The following ADAMTS3 variants were observed in gnomAD, a reference collection of about 807,000 sequenced individuals.
ADAMTS3 encodes the protein A disintegrin and metalloproteinase with thrombospondin motifs 3.
Under a neutral mutation model 129.0 loss-of-function variants are expected in ADAMTS3, and 73 were observed. The observed-to-expected ratio is 0.57, with a 90% confidence interval of 0.47 to 0.69. The LOEUF is 0.69. Among genes scored for constraint, ADAMTS3 ranks in the 30% least tolerant of loss-of-function variants. ADAMTS3 has a pLI of 0.00. For missense variants in ADAMTS3, 1,457 were observed against 1,514.5 expected (o/e 0.96, Z 0.63); for synonymous variants, 477 against 510.8 (o/e 0.93, Z 0.89).
At chr4:72,562,381 T>C (rs1056592180) in intron 2 of ADAMTS3, among the ~76,000 whole-genome samples, 1 of 152,146 alleles carries the variant, frequency 6.6e-6, no homozygotes, top group Non-Finnish European at 1.5e-5. Context: ...TCTCCTAAAG[T>C]AGTCACTTGA....
At chr4:72,284,295 A>G (rs1210783184) in intron 21 of ADAMTS3, among the ~76,000 whole-genome samples, 1 of 152,134 alleles carries the variant, frequency 6.6e-6, no homozygotes, top group Non-Finnish European at 1.5e-5. Flanking sequence ...TACAAAAAAA[A>G]TTAGCCAGGC....
intron 3 of ADAMTS3, among the ~76,000 whole-genome samples, chr4:72,489,827 C>A (rs903388865): frequency 1.6e-4 from 24 of 151,734 alleles, no homozygotes; most frequent in African/African-American, 5.8e-4. Context: ...TTCAGACATC[C>A]ACTGAGGGTC....
At chr4:72,303,115 T>A (rs1363848983) in intron 17 of ADAMTS3, among the ~76,000 whole-genome samples, 1 of 152,160 alleles carries the variant, frequency 6.6e-6, no homozygotes, top group East Asian at 1.9e-4. Flanking sequence ...CTCACGCAGC[T>A]GCCTCCCTTG....
At chr4:72,415,051 C>T in intron 3 of ADAMTS3, 80 bp from the exon 4 acceptor site, 1 of 1,081,780 alleles carries the variant, frequency 9.2e-7, no homozygotes, top group Non-Finnish European at 1.2e-6. Flanking sequence ...TTTTAAATGT[C>T]AAGAATATGA....
chr4:72,366,092 G>A (rs138236119), intron 4 of ADAMTS3, among the ~76,000 whole-genome samples: 4 of 152,194 alleles, frequency 2.6e-5, no homozygotes, highest in East Asian at 1.9e-4. Flanking sequence ...AGCAAATGAC[G>A]TTTTCATTTT....
At chr4:72,452,058 C>T (rs1718422583) in intron 3 of ADAMTS3, among the ~76,000 whole-genome samples, 2 of 151,732 alleles carry the variant, frequency 1.3e-5, no homozygotes, top group Admixed American at 6.6e-5. Flanking sequence ...CACTGCACTC[C>T]ATGCACTCCA....
intron 3 of ADAMTS3, among the ~76,000 whole-genome samples, chr4:72,456,058 A>T (rs13143925): frequency 6.2e-5 from 2 of 32,466 alleles, no homozygotes; most frequent in East Asian, 7.2e-4. Context: ...CTATATATAT[A>T]TTTTACATAT....
At chr4:72,323,188 G>A in intron 5 of ADAMTS3, 91 bp from the exon 6 acceptor site, 1 of 931,368 alleles carries the variant, frequency 1.1e-6, no homozygotes, top group South Asian at 1.4e-5. Flanking sequence ...CCACAAATAG[G>A]TGAGTAAATT....
At chr4:72,434,951 T>A (rs1216163907) in intron 3 of ADAMTS3, among the ~76,000 whole-genome samples, 2 of 151,778 alleles carry the variant, frequency 1.3e-5, no homozygotes, top group African/African-American at 4.8e-5. Context: ...AAAATGTGGA[T>A]CTCAATTAGC....
At chr4:72,517,560 C>G (rs1168732584) in intron 3 of ADAMTS3, among the ~76,000 whole-genome samples, 1 of 152,268 alleles carries the variant, frequency 6.6e-6, no homozygotes, top group East Asian at 1.9e-4. Context: ...CTGGTTTAGT[C>G]TTGGGAGGGT....
intron 3 of ADAMTS3, among the ~76,000 whole-genome samples, chr4:72,446,223 T>C (rs1487430850): frequency 1.3e-5 from 2 of 151,538 alleles, no homozygotes; most frequent in East Asian, 3.9e-4. Flanking sequence ...TCCCCAAAAA[T>C]GGAAAAAGGC....
intron 3 of ADAMTS3, among the ~76,000 whole-genome samples, chr4:72,448,012 C>T (rs550767228): frequency 2.6e-5 from 4 of 151,656 alleles, no homozygotes; most frequent in African/African-American, 9.7e-5. Flanking sequence ...CCAAAGGGGA[C>T]CTCTCTGTTT....
chr4:72,399,840 T>TACAC (rs1193322813), intron 4 of ADAMTS3, among the ~76,000 whole-genome samples: 1 of 115,520 alleles, frequency 8.7e-6, no homozygotes, highest in Non-Finnish European at 1.8e-5. Flanking sequence ...TGTATATATA[T>TACAC]ACACACACGG....
At chr4:72,532,221 T>C (rs1313160999) in intron 3 of ADAMTS3, among the ~76,000 whole-genome samples, 2 of 152,142 alleles carry the variant, frequency 1.3e-5, no homozygotes, top group Admixed American at 1.3e-4. Flanking sequence ...TCTGCAGACC[T>C]ACTAAATCAG....
intron 4 of ADAMTS3, among the ~76,000 whole-genome samples, chr4:72,348,044 G>T (rs1720333700): frequency 6.6e-6 from 1 of 151,946 alleles, no homozygotes; most frequent in Non-Finnish European, 1.5e-5. Context: ...AGTCATTATA[G>T]CCAAATGACT....
At chr4:72,478,655 C>G (rs1157462052) in intron 3 of ADAMTS3, among the ~76,000 whole-genome samples, 1 of 149,832 alleles carries the variant, frequency 6.7e-6, no homozygotes, top group Non-Finnish European at 1.5e-5. Context: ...CCCTCTCTCA[C>G]CACTCCTATT....
intron 4 of ADAMTS3, among the ~76,000 whole-genome samples, chr4:72,393,148 A>C (rs1721642780): frequency 6.6e-6 from 1 of 151,896 alleles, no homozygotes; most frequent in South Asian, 2.1e-4. Flanking sequence ...CTGGTCTCGA[A>C]CTCCTGACCT....
chr4:72,439,972 G>T (rs559692645), intron 3 of ADAMTS3, among the ~76,000 whole-genome samples: 1 of 151,668 alleles, frequency 6.6e-6, no homozygotes, highest in African/African-American at 2.4e-5. Flanking sequence ...ACTTTTTAAA[G>T]AACTATATCT....
At chr4:72,510,819 CAAAAAAAAA>C (rs869030257) in intron 3 of ADAMTS3, among the ~76,000 whole-genome samples, 4 of 63,646 alleles carry the variant, frequency 6.3e-5, no homozygotes, top group African/African-American at 1.2e-4. Context: ...ATCCTTAAGC[CAAAAAAAAA>C]AAAAAAAAAA....
Sources: allele counts gnomAD v4.1 joint callset (sites outside exome capture counted in the v4.1 genomes callset), GRCh38; gene constraint gnomAD v4.1.1; transcripts MANE v1.5; gene names NCBI Gene and HGNC (gene_info 2026-07-23, HGNC 2026-07-21).